The following TMCC3 variants were observed in gnomAD, a reference collection of about 807,000 sequenced individuals.
The protein encoded by TMCC3 is transmembrane and coiled-coil domain protein 3.
TMCC3 carries 28 observed loss-of-function variants against 40.2 expected under a neutral mutation model. The ratio of observed to expected loss-of-function variants is 0.70; its 90% CI spans 0.52 to 0.95. The LOEUF is 0.95. TMCC3 is among the 40% of genes least tolerant of loss of function. TMCC3 has a pLI of 0.00. For missense variants in TMCC3, 554 were observed against 615.2 expected (o/e 0.90, Z 1.05); for synonymous variants, 255 against 248.5 (o/e 1.03, Z -0.25).
chr12:94,648,220 TTTTATTTA>T (rs201121413), intron 1 of TMCC3, among the ~76,000 whole-genome samples: 2,212 of 149,614 alleles, frequency 0.015, 54 homozygotes, highest in African/African-American at 0.049. Flanking sequence ...AGTAGAATTG[TTTTATTTA>T]TTTATTTATT....
At position 94,571,633 on chromosome 12, in the gene TMCC3, C is replaced by A; in HGVS notation, c.1236G>T (p.Gly412=). 1 of 1,614,196 alleles carries A rather than the reference C, an allele frequency of 6.2e-7. No homozygotes were observed. The highest frequency in any genetic ancestry group is 1.6e-4 in the Middle Eastern group (1 of 6,062). ...AGGCCAGGATCACGTTGATGCACCTCCCCAGGAGAACTTTAGCATTCACGG... is the reference window on the plus strand; with the variant it reads ...AGGCCAGGATCACGTTGATGCACCTACCCAGGAGAACTTTAGCATTCACGG... ...TDTVNAKVLL[G]RCINVILAFM... The change falls in exon 4 of 4, where the codon GGG becomes GGT. Residue 412 remains glycine (G), a synonymous_variant. Transcript: ENST00000261226.
intron 1 of TMCC3, among the ~76,000 whole-genome samples, chr12:94,621,234 A>G (rs1278986365): frequency 6.6e-6 from 1 of 152,240 alleles, no homozygotes; most frequent in East Asian, 1.9e-4. Flanking sequence ...TCAAACACTG[A>G]TATGGGGTTT....
chr12:94,571,377 C>A lies in TMCC3; in HGVS notation c.*58G>T. 1 of 1,563,070 alleles carries A rather than the reference C, an allele frequency of 6.4e-7. No homozygotes were observed. Among genetic ancestry groups the A allele is most frequent in the Non-Finnish European group, 8.7e-7 (1 of 1,149,304 alleles). On this transcript the variant is annotated 3_prime_UTR_variant, in exon 4 of 4. Coordinates refer to ENST00000261226, the MANE Select transcript of TMCC3 (RefSeq NM_020698.4). ...ATTCACTGTAAAATTTGGTAGTATG[C>A]ACAGAGTTTTCTTTAAAATAAAAAC...
chr12:94,600,831 G>C (rs1403704701), intron 1 of TMCC3, among the ~76,000 whole-genome samples: 2 of 152,040 alleles, frequency 1.3e-5, no homozygotes, highest in African/African-American at 4.8e-5. Flanking sequence ...TATCATCTTT[G>C]CTGGGTTTTT....
chr12:94,594,493 C>G (rs1232212719), intron 1 of TMCC3, among the ~76,000 whole-genome samples: 1 of 152,148 alleles, frequency 6.6e-6, no homozygotes, highest in African/African-American at 2.4e-5. Flanking sequence ...AGCTGCTAGG[C>G]ACTAAACTTA....
intron 3 of TMCC3, among the ~76,000 whole-genome samples, chr12:94,578,087 C>T (rs1441281913): frequency 6.7e-5 from 9 of 134,130 alleles, no homozygotes; most frequent in South Asian, 2.4e-4. Context: ...AGGCAGAGGT[C>T]GCAGTGAGCT....
chr12:94,604,500 G>A (rs142302361), intron 1 of TMCC3, among the ~76,000 whole-genome samples: 20 of 151,970 alleles, frequency 1.3e-4, no homozygotes, highest in African/African-American at 3.9e-4. Context: ...GCAGGGAGGC[G>A]TACAGAATTA....
chr12:94,603,256 T>C (rs1311066238), intron 1 of TMCC3, among the ~76,000 whole-genome samples: 8 of 152,096 alleles, frequency 5.3e-5, no homozygotes, highest in Non-Finnish European at 1.5e-5. Context: ...GGCTAATTTT[T>C]TTATTTTTAG....
chr12:94,573,318 G>T (rs1228662350), intron 3 of TMCC3, among the ~76,000 whole-genome samples: 2 of 152,086 alleles, frequency 1.3e-5, no homozygotes, highest in African/African-American at 4.8e-5. Flanking sequence ...TAAGTCACCG[G>T]GATCTCCTGC....
intron 1 of TMCC3, among the ~76,000 whole-genome samples, chr12:94,629,501 C>T (rs969806084): frequency 1.1e-4 from 17 of 152,206 alleles, no homozygotes; most frequent in South Asian, 6.2e-4. Flanking sequence ...CTCAGGGCCT[C>T]GCACAGTGCT....
chr12:94,572,996 T>C (rs1334781536), intron 3 of TMCC3, among the ~76,000 whole-genome samples: 1 of 152,202 alleles, frequency 6.6e-6, no homozygotes, highest in Non-Finnish European at 1.5e-5. Flanking sequence ...GTTCTTCTTC[T>C]GAGATTGACT....
At chr12:94,636,619 CA>C (rs2068962165) in intron 1 of TMCC3, among the ~76,000 whole-genome samples, 1 of 152,184 alleles carries the variant, frequency 6.6e-6, no homozygotes, top group African/African-American at 2.4e-5. Context: ...TTTAATTAAT[CA>C]AAAGGGAGAG....
At chr12:94,584,894 A>G (rs1446642054) in intron 1 of TMCC3, among the ~76,000 whole-genome samples, 3 of 152,144 alleles carry the variant, frequency 2.0e-5, no homozygotes, top group African/African-American at 4.8e-5. Flanking sequence ...GAAGGTATAC[A>G]ACAATCTTTA....
chr12:94,582,985 TTTTTTTTTTAA>T (rs1377863703), intron 1 of TMCC3, among the ~76,000 whole-genome samples: 4 of 25,090 alleles, frequency 1.6e-4, no homozygotes, highest in African/African-American at 7.3e-4. Flanking sequence ...TTTTTTTTTT[TTTTTTTTTTAA>T]AAAAGAAAGA....
chr12:94,578,448 GGC>G lies in TMCC3; in HGVS notation c.1075_1076del (p.Ala359GlnfsTer3). 2 of 1,614,088 alleles carry G rather than the reference GGC, an allele frequency of 1.2e-6. No homozygotes were observed. Among genetic ancestry groups the G allele is most frequent in the Non-Finnish European group, 1.7e-6 (2 of 1,180,004 alleles). ...HETANLKQEL[A>X]SIEEKVAYQA... ...GGTAGGCCACCTTCTCCTCAATGCT[GGC>G]CAGCTCCTGCTTCAGGTTGGCTGTC... is the stretch of plus-strand genomic sequence containing the variant. On this transcript the variant is annotated frameshift_variant, in exon 3 of 4. Coordinates refer to ENST00000261226, the MANE Select transcript of TMCC3 (RefSeq NM_020698.4). LOFTEE classifies it high-confidence loss of function.
At chr12:94,580,337 C>T (rs909108255) in intron 2 of TMCC3, among the ~76,000 whole-genome samples, 10 of 152,094 alleles carry the variant, frequency 6.6e-5, no homozygotes, top group Non-Finnish European at 1.3e-4. Context: ...CTAATATAAG[C>T]CAAAGGTTTT....
intron 1 of TMCC3, among the ~76,000 whole-genome samples, chr12:94,610,444 T>C (rs1026611419): frequency 6.9e-6 from 1 of 145,598 alleles, no homozygotes; most frequent in East Asian, 2.0e-4. Context: ...AAAAAAAAAA[T>C]TTTTTTTTCA....
chr12:94,586,067 C>G, intron 1 of TMCC3, among the ~76,000 whole-genome samples: 1 of 152,200 alleles, frequency 6.6e-6, no homozygotes, highest in East Asian at 1.9e-4. Flanking sequence ...TCGCATAGCC[C>G]TGACAATTCC....
At chr12:94,577,649 C>A (rs1205467003) in intron 3 of TMCC3, among the ~76,000 whole-genome samples, 1 of 152,090 alleles carries the variant, frequency 6.6e-6, no homozygotes, top group Non-Finnish European at 1.5e-5. Flanking sequence ...CTGTGGCTCA[C>A]AGAGTCCGTG....
Sources: gnomAD v4.1 joint callset for allele counts (sites outside exome capture counted in the v4.1 genomes callset) on GRCh38, gnomAD v4.1.1 for gene constraint, MANE v1.5 for transcripts, NCBI Gene and HGNC (gene_info 2026-07-23, HGNC 2026-07-21) for gene names.